The following MECOM variants were observed in gnomAD, a reference collection of about 807,000 sequenced individuals.
MECOM encodes the protein histone-lysine N-methyltransferase MECOM.
In MECOM, 13 loss-of-function variants were observed where a neutral mutation model predicts 116.3. The ratio of observed to expected loss-of-function variants is 0.11; its 90% CI spans 0.07 to 0.18. MECOM has a LOEUF of 0.18. Ranked by LOEUF, MECOM falls within the 10% of genes least tolerant of loss-of-function variation. MECOM has a pLI of 1.00. For missense variants in MECOM, 1,299 were observed against 1,509.0 expected (o/e 0.86, Z 2.31); for synonymous variants, 528 against 535.2 (o/e 0.99, Z 0.19).
chr3:169,658,595 T>C (rs1577326512), intron 1 of MECOM, among the ~76,000 whole-genome samples: 1 of 152,188 alleles, frequency 6.6e-6, no homozygotes, highest in South Asian at 2.1e-4. Context: ...AGCCCTGAGC[T>C]GAGCAGCCTG....
chr3:169,615,166 A>G (rs1160418881), intron 1 of MECOM, among the ~76,000 whole-genome samples: 3 of 152,244 alleles, frequency 2.0e-5, no homozygotes, highest in Non-Finnish European at 4.4e-5. Flanking sequence ...GGCTAGAGAG[A>G]TGTTGGAAAT....
intron 1 of MECOM, among the ~76,000 whole-genome samples, chr3:169,505,167 G>A (rs55661791): frequency 0.17 from 25,379 of 151,938 alleles, 2,281 homozygotes; most frequent in East Asian, 0.33. Flanking sequence ...CTGGTAATAA[G>A]TGCAAGGCCT....
At chr3:169,124,009 G>T (rs1731959796) in intron 5 of MECOM, among the ~76,000 whole-genome samples, 1 of 152,014 alleles carries the variant, frequency 6.6e-6, no homozygotes, top group South Asian at 2.1e-4. Flanking sequence ...AAACAAATAG[G>T]CTATGAAGGG....
chr3:169,368,728 A>G (rs889147546), intron 2 of MECOM, among the ~76,000 whole-genome samples: 5 of 152,072 alleles, frequency 3.3e-5, no homozygotes, highest in African/African-American at 9.7e-5. Flanking sequence ...TAAGCATCAT[A>G]AAGAATCTCT....
At position 169,440,536 on chromosome 3, in the gene MECOM, G is replaced by A. The variant is rs183441663; in HGVS notation, c.38-59012C>T. Reference sequence around the variant, plus strand: ...CCTGTTGGCATGTAAGGTGCTAGAAGGGTTGGGGATGGGGTGGGAGGAGGG... The same window carrying A: ...CCTGTTGGCATGTAAGGTGCTAGAAAGGTTGGGGATGGGGTGGGAGGAGGG... On this transcript the variant is annotated intron_variant, in intron 1 of 16. Transcript: ENST00000651503. 3.2e-3 allele frequency among the ~76,000 whole-genome samples: 490 copies of A among 151,522 alleles called. 8 individuals carry two copies. The East Asian group carries it at 0.044, about 14-fold the overall frequency.
chr3:169,243,784 T>C (rs1755195402), intron 2 of MECOM, among the ~76,000 whole-genome samples: 1 of 152,224 alleles, frequency 6.6e-6, no homozygotes, highest in South Asian at 2.1e-4. Context: ...CATGGCTACC[T>C]GTTACTCCGG....
chr3:169,418,842 AAAGATATACTATATCACC>A (rs1211850313), intron 1 of MECOM, among the ~76,000 whole-genome samples: 3 of 152,236 alleles, frequency 2.0e-5, no homozygotes, highest in African/African-American at 4.8e-5. Flanking sequence ...GGCACAAGAC[AAAGATATACTATATCACC>A]ACTCCTATTC....
chr3:169,179,488 G>A (rs1181875130), intron 2 of MECOM, among the ~76,000 whole-genome samples: 1 of 152,180 alleles, frequency 6.6e-6, no homozygotes, highest in Non-Finnish European at 1.5e-5. Context: ...AGGGGCTACA[G>A]TTCAGATGAA....
intron 1 of MECOM, among the ~76,000 whole-genome samples, chr3:169,426,305 A>G (rs1207247334): frequency 6.6e-6 from 1 of 152,228 alleles, no homozygotes; most frequent in African/African-American, 2.4e-5. Flanking sequence ...AGGTAAGTAC[A>G]TGCTCCTTTG....
intron 1 of MECOM, among the ~76,000 whole-genome samples, chr3:169,520,152 T>C (rs1158670960): frequency 6.6e-6 from 1 of 152,178 alleles, no homozygotes; most frequent in Non-Finnish European, 1.5e-5. Context: ...AAGAACAAGA[T>C]AGAACAAGAT....
At chr3:169,285,685 C>G (rs771207884) in intron 2 of MECOM, among the ~76,000 whole-genome samples, 2 of 152,192 alleles carry the variant, frequency 1.3e-5, no homozygotes, top group Non-Finnish European at 2.9e-5. Context: ...GATGTACTCT[C>G]ATTTTCCTGA....
chr3:169,140,262 A>T (rs1737702856), intron 3 of MECOM, among the ~76,000 whole-genome samples: 1 of 152,088 alleles, frequency 6.6e-6, no homozygotes, highest in African/African-American at 2.4e-5. Flanking sequence ...AAAAATTTCC[A>T]GCTAAACACC....
At chr3:169,546,858 G>A (rs3922265) in intron 1 of MECOM, among the ~76,000 whole-genome samples, 1 of 152,078 alleles carries the variant, frequency 6.6e-6, no homozygotes, top group Non-Finnish European at 1.5e-5. Context: ...TCCAAAGGGG[G>A]TTCCTAGAGC....
At chr3:169,102,571 G>C (rs1190916552) in intron 10 of MECOM, among the ~76,000 whole-genome samples, 5 of 152,116 alleles carry the variant, frequency 3.3e-5, no homozygotes, top group Non-Finnish European at 7.4e-5. Context: ...TAGTATCATG[G>C]TATGGATATT....
intron 2 of MECOM, chr3:169,146,718 CT>C: frequency 8.1e-7 from 1 of 1,229,606 alleles, no homozygotes; most frequent in Non-Finnish European, 1.0e-6. Context: ...GAGGAGTTCT[CT>C]TACCTTTAGA....
chr3:169,281,562 G>A (rs1265470085), intron 2 of MECOM, among the ~76,000 whole-genome samples: 1 of 152,144 alleles, frequency 6.6e-6, no homozygotes, highest in Non-Finnish European at 1.5e-5. Flanking sequence ...TGTAATCCCA[G>A]CACTTTGGGA....
At position 169,621,313 on chromosome 3, in the gene MECOM, G is replaced by T. The variant is rs368529824; in HGVS notation, c.37+42023C>A. Among the ~76,000 whole-genome samples the T allele has an allele frequency of 3.2e-4, 48 of 152,282 alleles. 1 individual carries two copies. The highest frequency in any genetic ancestry group is 1.2e-3 in the African/African-American group (48 of 41,562). Reference sequence around the variant, plus strand: ...ATAGCACCTGCCTCATTGAGTTGTTGTGAGGACCAAGTGCACTGCTACATG... The same window carrying T: ...ATAGCACCTGCCTCATTGAGTTGTTTTGAGGACCAAGTGCACTGCTACATG... On this transcript the variant is annotated intron_variant, in intron 1 of 16. Coordinates refer to ENST00000651503, the MANE Select transcript of MECOM (RefSeq NM_004991.4).
At chr3:169,260,824 G>A (rs1757442003) in intron 2 of MECOM, among the ~76,000 whole-genome samples, 1 of 152,206 alleles carries the variant, frequency 6.6e-6, no homozygotes. Context: ...GCAGGCAGGA[G>A]AAACAGATTT....
intron 2 of MECOM, among the ~76,000 whole-genome samples, chr3:169,228,497 G>C (rs1753005789): frequency 6.6e-6 from 1 of 152,104 alleles, no homozygotes; most frequent in South Asian, 2.1e-4. Flanking sequence ...AAGGGGAGTT[G>C]TATTTTCGTG....
Sources: allele counts gnomAD v4.1 joint callset (sites outside exome capture counted in the v4.1 genomes callset), GRCh38; gene constraint gnomAD v4.1.1; transcripts MANE v1.5; gene names NCBI Gene and HGNC (gene_info 2026-07-23, HGNC 2026-07-21).